Variants in VCAN observed in about 807,000 individuals in gnomAD.
VCAN encodes versican, also known as versican core protein.
In VCAN, 44 loss-of-function variants were observed where a neutral mutation model predicts 245.5. The ratio of observed to expected loss-of-function variants is 0.18; its 90% confidence interval spans 0.14 to 0.23. VCAN has a LOEUF of 0.23. VCAN is among the 10% of genes least tolerant of loss of function. The pLI is 1.00. For missense variants in VCAN, 3,793 were observed against 4,057.9 expected (o/e 0.93, Z 1.77); for synonymous variants, 1,413 against 1,437.0 (o/e 0.98, Z 0.38).
intron 11 of VCAN, among the ~76,000 whole-genome samples, chr5:83,553,807 T>C (rs1747562175): frequency 6.6e-6 from 1 of 152,240 alleles, no homozygotes; most frequent in South Asian, 2.1e-4. Flanking sequence ...TTTTTAAATA[T>C]ACAAAAACAG....
Position 83,553,537 on chromosome 5 carries a change from G to T in VCAN, c.9652+15G>T. The T allele has an allele frequency of 6.2e-7, 1 of 1,613,834 alleles. No individual in the cohort carries two copies. The highest frequency in any genetic ancestry group is 8.5e-7 in the Non-Finnish European group (1 of 1,179,782). On this transcript the variant is annotated intron_variant, in intron 11 of 14. Coordinates refer to ENST00000265077, the MANE Select transcript of VCAN (RefSeq NM_004385.5). Reference sequence around the variant, plus strand: ...GTTTGTTAATCGTATGTACCAAATAGATACGAGTTTCCAGGAACTTCACTT... The same window carrying T: ...GTTTGTTAATCGTATGTACCAAATATATACGAGTTTCCAGGAACTTCACTT...
At chr5:83,490,546 A>T in intron 3 of VCAN, 74 bp downstream of exon 3, 1 of 1,596,640 alleles carries the variant, frequency 6.3e-7, no homozygotes, top group South Asian at 1.1e-5. Flanking sequence ...AATAGCACTC[A>T]GAAGTAACTG....
chr5:83,493,104 C>T (rs575128241), intron 3 of VCAN, among the ~76,000 whole-genome samples: 43 of 152,320 alleles, frequency 2.8e-4, no homozygotes, highest in Non-Finnish European at 5.3e-4. Flanking sequence ...TTTTATGAGA[C>T]AGGTGAGTGT....
At chr5:83,525,816 C>T (rs1746273467) in intron 7 of VCAN, among the ~76,000 whole-genome samples, 1 of 151,858 alleles carries the variant, frequency 6.6e-6, no homozygotes, top group Non-Finnish European at 1.5e-5. Context: ...GAGAAATATA[C>T]AAAAAGCTAA....
chr5:83,479,860 C>T (rs1236930977), intron 1 of VCAN, among the ~76,000 whole-genome samples: 1 of 152,156 alleles, frequency 6.6e-6, no homozygotes, highest in African/African-American at 2.4e-5. Flanking sequence ...GATATATTTA[C>T]TGTAGAAATA....
chr5:83,530,681 G>A (rs1746484086), intron 7 of VCAN, among the ~76,000 whole-genome samples: 1 of 152,108 alleles, frequency 6.6e-6, no homozygotes, highest in Admixed American at 6.6e-5. Context: ...GTACAAAAAT[G>A]TTAGTTTTTA....
intron 6 of VCAN, among the ~76,000 whole-genome samples, chr5:83,518,574 C>T (rs1745949810): frequency 6.6e-6 from 1 of 152,150 alleles, no homozygotes; most frequent in East Asian, 1.9e-4. Flanking sequence ...GAGATACAAA[C>T]AGAGTGTGTA....
In VCAN at chr5:83,476,851, T is replaced by C. The variant is rs142675086; in HGVS notation, c.-7+4828T>C. On this transcript the variant is annotated intron_variant, in intron 1 of 14. Transcript: ENST00000265077. ...CACCTCTGGGTAGATTTACCAACTA[T>C]AAAAGGATACAAATGTATATACTTT... 5.5e-4 allele frequency among the ~76,000 whole-genome samples: 84 copies of C among 152,274 alleles called. 1 individual carries two copies. The highest frequency in any genetic ancestry group is 6.2e-4 in the Non-Finnish European group (42 of 68,014).
intron 7 of VCAN, among the ~76,000 whole-genome samples, chr5:83,525,605 A>G (rs1008530742): frequency 2.0e-4 from 30 of 152,170 alleles, no homozygotes; most frequent in African/African-American, 7.2e-4. Context: ...TTTTTAACAA[A>G]CAAATTCATA....
intron 1 of VCAN, among the ~76,000 whole-genome samples, chr5:83,474,909 G>T (rs201312605): frequency 6.6e-6 from 1 of 152,304 alleles, no homozygotes; most frequent in Non-Finnish European, 1.5e-5. Context: ...GGGGCATCGT[G>T]CTTTTGTTTT....
At position 83,541,624 on chromosome 5, in the gene VCAN, C is replaced by G. The variant is rs147798761; in HGVS notation, c.8621C>G (p.Ala2874Gly). The G allele has an allele frequency of 2.5e-6, 4 of 1,613,648 alleles. No individual in the cohort carries two copies. The highest frequency in any genetic ancestry group is 3.4e-6 in the Non-Finnish European group (4 of 1,179,994). Residue 2874 changes from alanine to glycine, a missense_variant, in exon 8 of 15, where the codon GCG becomes GGG. By Grantham distance (60) the Ala-to-Gly change is moderately conservative (BLOSUM62 0). This residue lies in a region of VCAN where 3,182 missense variants were observed against 3,250.3 expected (regional missense o/e 0.98). Coordinates refer to ENST00000265077, the MANE Select transcript of VCAN (RefSeq NM_004385.5). ...AAGGAAATTCATGTAAATATTGAAG[C>G]GACTTTCAAACCATCAAGTGAGGAA... is the stretch of plus-strand genomic sequence containing the variant. ...SFKEIHVNIE[A>G]TFKPSSEEYL...
intron 5 of VCAN, among the ~76,000 whole-genome samples, chr5:83,497,333 T>A (rs1745190743): frequency 6.6e-6 from 1 of 152,208 alleles, no homozygotes; most frequent in African/African-American, 2.4e-5. Context: ...TGTTTCTCTA[T>A]AAAATTTGAA....
intron 5 of VCAN, 131 bp from the exon 6 acceptor site, chr5:83,511,972 G>C: frequency 1.8e-6 from 2 of 1,112,014 alleles, no homozygotes; most frequent in Admixed American, 4.2e-5. Flanking sequence ...CTGCTTTAAA[G>C]TATCAGAAGC....
At chr5:83,483,911 C>A (rs1174586317) in intron 2 of VCAN, among the ~76,000 whole-genome samples, 1 of 151,824 alleles carries the variant, frequency 6.6e-6, no homozygotes, top group African/African-American at 2.4e-5. Context: ...CTTTCCTATG[C>A]AAAAAAAGAA....
intron 5 of VCAN, among the ~76,000 whole-genome samples, chr5:83,510,877 A>T (rs960879658): frequency 6.6e-5 from 10 of 152,170 alleles, no homozygotes; most frequent in African/African-American, 2.4e-4. Flanking sequence ...CCACTTTGGG[A>T]GGCCGAGGCG....
chr5:83,556,215 A>G (rs73148650), intron 12 of VCAN, among the ~76,000 whole-genome samples: 7,509 of 152,240 alleles, frequency 0.049, 642 homozygotes, highest in African/African-American at 0.17. Flanking sequence ...CCTGTTTTAC[A>G]GGTAAAGAAA....
intron 6 of VCAN, among the ~76,000 whole-genome samples, chr5:83,515,028 G>A (rs769123660): frequency 6.6e-6 from 1 of 152,140 alleles, no homozygotes; most frequent in Non-Finnish European, 1.5e-5. Flanking sequence ...ATGCCAAATC[G>A]TACCTTGCTT....
rs917249805 is a variant in VCAN at position 83,553,433 on chromosome 5, G to A, written c.9563G>A (p.Arg3188His). 3.1e-6 allele frequency: 5 copies of A among 1,613,872 alleles called. No homozygotes were observed. Among genetic ancestry groups the A allele is most frequent in the East Asian group, 2.2e-5 (1 of 44,882 alleles). ...TGCTACAAATACTTTGCCCATCGAC[G>A]CACATGGGATGCAGCTGAACGGGAA... ...GQCYKYFAHR[R>H]TWDAAERECR... The change falls in exon 11 of 15, where the codon CGC becomes CAC. Residue 3188 changes from arginine (R) to histidine (H), a missense_variant. Arg to His is a conservative substitution (Grantham distance 29). This residue lies in a region of VCAN where 205 missense variants were observed against 321.1 expected (regional missense o/e 0.64). Coordinates refer to ENST00000265077, the MANE Select transcript of VCAN (RefSeq NM_004385.5).
At chr5:83,545,698 T>C (rs754003844) in intron 9 of VCAN, 48 bp downstream of exon 9, 1 of 1,359,848 alleles carries the variant, frequency 7.4e-7, no homozygotes, top group East Asian at 2.3e-5. Context: ...ACAGAAGATA[T>C]ATTGGGGGAG....
Sources: allele counts gnomAD v4.1 joint callset (sites outside exome capture counted in the v4.1 genomes callset), GRCh38; gene constraint gnomAD v4.1.1; regional missense constraint gnomAD v4.1.1; transcripts MANE v1.5; gene names NCBI Gene and HGNC (gene_info 2026-07-23, HGNC 2026-07-21).